Variants in ARMC1 observed in about 807,000 individuals in gnomAD.
ARMC1 encodes armadillo repeat-containing protein 1.
A neutral mutation model predicts 31.4 loss-of-function variants in ARMC1; 16 were observed. The observed-to-expected ratio is 0.51, with a 90% confidence interval of 0.34 to 0.77. ARMC1 has a LOEUF of 0.77. Ranked by LOEUF, ARMC1 falls within the 30% of genes least tolerant of loss-of-function variation. ARMC1 has a pLI of 0.01. For missense variants in ARMC1, 259 were observed against 347.5 expected, an observed-to-expected ratio of 0.75 and a Z score of 2.02; for synonymous variants, 114 against 118.9, an observed-to-expected ratio of 0.96 and a Z score of 0.27.
At chr8:65,626,023 G>T (rs1281580826) in intron 2 of ARMC1, among the ~76,000 whole-genome samples, 1 of 151,768 alleles carries the variant, frequency 6.6e-6, no homozygotes, top group African/African-American at 2.4e-5. Context: ...TGAGTAGCTG[G>T]GATTTCAGGC....
chr8:65,620,798 T>TAAAAAAAAAAAAAAAA (rs776508929), intron 3 of ARMC1, among the ~76,000 whole-genome samples: 1 of 46,486 alleles, frequency 2.2e-5, no homozygotes. Context: ...TTAGTTCCAT[T>TAAAAAAAAAAAAAAAA]TAAAAAAAAA....
At chr8:65,604,686 A>G in intron 6 of ARMC1, 101 bp from the exon 7 acceptor site, 1 of 958,756 alleles carries the variant, frequency 1.0e-6, no homozygotes, top group Non-Finnish European at 1.6e-6. Context: ...ACATGACAGT[A>G]GGCCCAATTG....
At chr8:65,618,498 G>A (rs1808324161) in intron 3 of ARMC1, among the ~76,000 whole-genome samples, 1 of 143,926 alleles carries the variant, frequency 6.9e-6, no homozygotes, top group Non-Finnish European at 1.5e-5. Flanking sequence ...TTACAGCCTG[G>A]GTGACAGGGT....
intron 1 of ARMC1, among the ~76,000 whole-genome samples, chr8:65,631,226 C>T (rs1808635266): frequency 6.6e-6 from 1 of 152,114 alleles, no homozygotes; most frequent in African/African-American, 2.4e-5. Context: ...CCATTTCTAA[C>T]TACCACATTG....
chr8:65,604,417 A>T lies in ARMC1; in HGVS notation c.826T>A (p.Leu276Ile). The change falls in exon 7 of 7, where the codon TTA becomes ATA. Residue 276 changes from leucine to isoleucine, a missense_variant. Transcript: ENST00000276569. ...ASWLSTAANF[L>I]SRSFYW is the part of the protein sequence containing the mutation. The stretch of plus-strand genomic sequence containing the variant: ...AGTCACCAATAAAATGATCTGGATA[A>T]AAAGTTTGCAGCTGTGCTAAGCCAG... 1.2e-6 allele frequency: 2 copies of T among 1,614,110 alleles called. No individual in the cohort carries two copies. Among genetic ancestry groups the T allele is most frequent in the Non-Finnish European group, 1.7e-6 (2 of 1,180,014 alleles).
At chr8:65,613,629 C>T (rs1808190525) in intron 3 of ARMC1, among the ~76,000 whole-genome samples, 196 bp from the exon 4 acceptor site, 1 of 152,134 alleles carries the variant, frequency 6.6e-6, no homozygotes, top group African/African-American at 2.4e-5. Flanking sequence ...TCATTTTAAA[C>T]CCGTGGCTCA....
At chr8:65,619,741 T>C (rs1808351903) in intron 3 of ARMC1, among the ~76,000 whole-genome samples, 1 of 151,620 alleles carries the variant, frequency 6.6e-6, no homozygotes, top group Non-Finnish European at 1.5e-5. Flanking sequence ...CCCAGTACTT[T>C]GGGAGGCTGA....
intron 1 of ARMC1, 117 bp from the exon 2 acceptor site, chr8:65,627,550 TAA>T (rs1355847966): frequency 3.7e-6 from 2 of 542,664 alleles, no homozygotes; most frequent in Non-Finnish European, 5.7e-6. Flanking sequence ...CTAAATCACA[TAA>T]AAACTTAGAA....
At chr8:65,627,174 G>A (rs1363047149) in intron 2 of ARMC1, 42 bp downstream of exon 2, 4 of 1,501,080 alleles carry the variant, frequency 2.7e-6, no homozygotes, top group Non-Finnish European at 3.6e-6. Context: ...CACCTTAACT[G>A]CAAAAATAGA....
intron 3 of ARMC1, among the ~76,000 whole-genome samples, chr8:65,622,023 C>T (rs1402877074): frequency 1.3e-5 from 2 of 152,130 alleles, no homozygotes; most frequent in African/African-American, 4.8e-5. Context: ...CTGCAACCTC[C>T]ACCTCCGGGG....
At chr8:65,612,775 A>AC (rs1350583831) in intron 4 of ARMC1, among the ~76,000 whole-genome samples, 1 of 151,982 alleles carries the variant, frequency 6.6e-6, no homozygotes, top group Non-Finnish European at 1.5e-5. Flanking sequence ...GGCAGAAGAG[A>AC]CACCTGAACC....
At chr8:65,620,237 T>C (rs1808363487) in intron 3 of ARMC1, among the ~76,000 whole-genome samples, 3 of 151,204 alleles carry the variant, frequency 2.0e-5, no homozygotes, top group South Asian at 4.2e-4. Flanking sequence ...ACTTGGAATA[T>C]GGCAAATGTG....
intron 4 of ARMC1, among the ~76,000 whole-genome samples, chr8:65,610,559 G>A (rs1419600846): frequency 6.6e-6 from 1 of 152,020 alleles, no homozygotes; most frequent in African/African-American, 2.4e-5. Flanking sequence ...GCTGGGTGTG[G>A]TGGCGGGCAC....
At chr8:65,609,857 C>CAAAAAAAAAAAAAAAAAAA (rs35519675) in intron 4 of ARMC1, among the ~76,000 whole-genome samples, 4 of 93,056 alleles carry the variant, frequency 4.3e-5, no homozygotes, top group African/African-American at 1.3e-4. Context: ...GACTCTGTCT[C>CAAAAAAAAAAAAAAAAAAA]AAAAAAAAAA....
intron 1 of ARMC1, among the ~76,000 whole-genome samples, chr8:65,628,522 C>T (rs1395414199): frequency 3.4e-5 from 5 of 146,922 alleles, no homozygotes; most frequent in Non-Finnish European, 7.5e-5. Flanking sequence ...GCTGGGATTA[C>T]AGGCATGAGC....
At chr8:65,629,169 A>AG (rs1808582252) in intron 1 of ARMC1, among the ~76,000 whole-genome samples, 1 of 151,680 alleles carries the variant, frequency 6.6e-6, no homozygotes, top group Admixed American at 6.6e-5. Context: ...AAAAAAAAAA[A>AG]GAAAGAAAGA....
chr8:65,628,372 T>TC (rs1340972198), intron 1 of ARMC1, among the ~76,000 whole-genome samples: 2 of 142,988 alleles, frequency 1.4e-5, no homozygotes, highest in African/African-American at 5.1e-5. Context: ...TGCCTCAGCC[T>TC]CCTAGCCACG....
intron 2 of ARMC1, among the ~76,000 whole-genome samples, chr8:65,625,887 CTT>C (rs1318215282): frequency 2.1e-4 from 30 of 141,606 alleles, no homozygotes; most frequent in Admixed American, 2.1e-4. Flanking sequence ...TTTTTAACAA[CTT>C]TTTTTTTTTT....
chr8:65,604,629 T>C (rs757855581), intron 6 of ARMC1, 44 bp from the exon 7 acceptor site: 1 of 1,557,128 alleles, frequency 6.4e-7, no homozygotes. Context: ...TCAACTTTAC[T>C]CCTTATTCTA....
Sources: gnomAD v4.1 joint callset for allele counts (sites outside exome capture counted in the v4.1 genomes callset) on GRCh38, gnomAD v4.1.1 for gene constraint, MANE v1.5 for transcripts, NCBI Gene and HGNC (gene_info 2026-07-23, HGNC 2026-07-21) for gene names.